The following MRPS9 variants were observed in gnomAD, a reference collection of about 807,000 sequenced individuals.
The protein encoded by MRPS9 is small ribosomal subunit protein uS9m.
Under a neutral mutation model 59.9 loss-of-function variants are expected in MRPS9, and 45 were observed. That is an observed-to-expected ratio of 0.75 (90% CI 0.59 to 0.96). The LOEUF (loss-of-function observed/expected upper bound fraction) is 0.96, where lower values mean the gene tolerates loss of function less well. MRPS9 is among the 40% of genes least tolerant of loss of function. MRPS9 has a pLI of 0.00. For synonymous variants in MRPS9, 171 were observed against 166.8 expected (o/e 1.03, Z -0.19); for missense variants, 473 against 481.1 (o/e 0.98, Z 0.16).
Position 105,046,647 on chromosome 2 carries a change from A to C in MRPS9, c.136-2524A>C, listed in dbSNP as rs112611780. 3.5e-3 allele frequency among the ~76,000 whole-genome samples: 527 copies of C among 151,164 alleles called. 10 individuals carry two copies. Among genetic ancestry groups the C allele is most frequent in the Admixed American group, 7.1e-3 (107 of 15,142 alleles). On this transcript the variant is annotated intron_variant, in intron 1 of 10. Coordinates refer to ENST00000258455, the MANE Select transcript of MRPS9 (RefSeq NM_182640.3). ...CCTCTGGAATCCCTTCAGTGAAAGG[A>C]GCCATACGCTCCAGGAGGCACATTT... is the stretch of plus-strand genomic sequence containing the variant.
intron 4 of MRPS9, among the ~76,000 whole-genome samples, chr2:105,075,557 C>T (rs1680192537): frequency 6.6e-6 from 1 of 152,178 alleles, no homozygotes; most frequent in Non-Finnish European, 1.5e-5. Context: ...AGAATGAAAG[C>T]TTCTAAATTC....
chr2:105,069,477 T>A (rs1230668927), intron 2 of MRPS9, among the ~76,000 whole-genome samples: 3 of 152,158 alleles, frequency 2.0e-5, no homozygotes, highest in Non-Finnish European at 4.4e-5. Context: ...CCTCTCAAAG[T>A]GCTGGGATGA....
intron 2 of MRPS9, among the ~76,000 whole-genome samples, chr2:105,061,778 T>G (rs1679910297): frequency 6.6e-6 from 1 of 152,084 alleles, no homozygotes; most frequent in Admixed American, 6.5e-5. Flanking sequence ...TTCGTATGGG[T>G]GCTTAGAGAG....
At position 105,049,315 on chromosome 2, in the gene MRPS9, G is replaced by A. The variant is rs1331784174; in HGVS notation, c.280G>A (p.Glu94Lys). The A allele has an allele frequency of 1.2e-6, 2 of 1,611,370 alleles. No homozygotes were observed. The highest frequency in any genetic ancestry group is 1.7e-6 in the Non-Finnish European group (2 of 1,179,312). ...GAGACATTTAGCCAACATGATGGGA[G>A]AAGATCCAGAAACTTTCACTCAAGA... ...GKRHLANMMGEDPETFTQEDI... is the reference protein window; with the variant it reads ...GKRHLANMMGKDPETFTQEDI... The change falls in exon 2 of 11, where the codon GAA becomes AAA. Residue 94 changes from glutamate (E) to lysine (K), a missense_variant. Coordinates refer to ENST00000258455, the MANE Select transcript of MRPS9 (RefSeq NM_182640.3).
chr2:105,059,453 GA>G (rs1212953517), intron 2 of MRPS9, among the ~76,000 whole-genome samples: 5 of 152,116 alleles, frequency 3.3e-5, no homozygotes, highest in Non-Finnish European at 5.9e-5. Context: ...AAGGTATCTT[GA>G]AACACTAATG....
At chr2:105,052,385 T>C (rs1370767688) in intron 2 of MRPS9, among the ~76,000 whole-genome samples, 1 of 152,212 alleles carries the variant, frequency 6.6e-6, no homozygotes, top group East Asian at 1.9e-4. Flanking sequence ...TCCATTTTGA[T>C]GATGATTTGG....
chr2:105,087,250 C>T (rs1680466285), intron 5 of MRPS9, among the ~76,000 whole-genome samples: 4 of 152,130 alleles, frequency 2.6e-5, no homozygotes, highest in Admixed American at 2.6e-4. Context: ...ATACATTCCT[C>T]TGCTGCTGCA....
At chr2:105,076,682 G>A (rs1558758730) in intron 4 of MRPS9, among the ~76,000 whole-genome samples, 1 of 152,140 alleles carries the variant, frequency 6.6e-6, no homozygotes, top group Non-Finnish European at 1.5e-5. Context: ...TATACATACA[G>A]CTTTCAATAC....
At chr2:105,055,939 A>C (rs1441696951) in intron 2 of MRPS9, among the ~76,000 whole-genome samples, 1 of 152,214 alleles carries the variant, frequency 6.6e-6, no homozygotes, top group African/African-American at 2.4e-5. Context: ...TGGTTTTAAA[A>C]TGTTTGGCTT....
chr2:105,098,158 T>A (rs928482091), intron 10 of MRPS9: 1 of 152,148 alleles, frequency 6.6e-6, no homozygotes, highest in Non-Finnish European at 1.5e-5. Flanking sequence ...AATACAAGAG[T>A]CCCTGTGTAA....
intron 1 of MRPS9, among the ~76,000 whole-genome samples, chr2:105,041,096 A>G (rs889582013): frequency 2.0e-5 from 3 of 152,196 alleles, no homozygotes; most frequent in East Asian, 1.9e-4. Context: ...CTGTTTTGCT[A>G]TGCTAAGGTA....
At chr2:105,087,413 G>A (rs1363447758) in intron 5 of MRPS9, among the ~76,000 whole-genome samples, 1 of 152,070 alleles carries the variant, frequency 6.6e-6, no homozygotes, top group African/African-American at 2.4e-5. Flanking sequence ...GTCTAGGCTT[G>A]GATGCTGCTG....
intron 9 of MRPS9, among the ~76,000 whole-genome samples, chr2:105,095,874 T>C (rs1211329365): frequency 6.6e-6 from 1 of 152,006 alleles, no homozygotes; most frequent in Non-Finnish European, 1.5e-5. Flanking sequence ...CTCAAACTTC[T>C]GGACCCAGAC....
At chr2:105,092,798 CTT>C (rs1680588533) in intron 8 of MRPS9, among the ~76,000 whole-genome samples, 1 of 152,112 alleles carries the variant, frequency 6.6e-6, no homozygotes, top group Admixed American at 6.5e-5. Flanking sequence ...CATATTAACA[CTT>C]TTTCTTTTCA....
intron 7 of MRPS9, among the ~76,000 whole-genome samples, chr2:105,091,638 G>A (rs961015330): frequency 2.0e-5 from 3 of 152,038 alleles, no homozygotes; most frequent in Non-Finnish European, 4.4e-5. Flanking sequence ...CATAAATAAG[G>A]TTATAAAAAA....
intron 2 of MRPS9, among the ~76,000 whole-genome samples, chr2:105,070,058 G>A (rs1171497488): frequency 1.3e-5 from 2 of 152,116 alleles, no homozygotes; most frequent in African/African-American, 4.8e-5. Flanking sequence ...AAGGAAGGGG[G>A]TAGGTGGGGA....
At chr2:105,068,386 A>C (rs1680042775) in intron 2 of MRPS9, among the ~76,000 whole-genome samples, 1 of 152,202 alleles carries the variant, frequency 6.6e-6, no homozygotes, top group South Asian at 2.1e-4. Flanking sequence ...AATATTTCAG[A>C]ATTATAGTAT....
intron 5 of MRPS9, among the ~76,000 whole-genome samples, chr2:105,086,248 G>A (rs980627249): frequency 6.6e-6 from 1 of 152,110 alleles, no homozygotes; most frequent in Admixed American, 6.5e-5. Context: ...GATTTGATGG[G>A]TTACAATCAT....
chr2:105,073,610 G>T (rs1479604614), intron 4 of MRPS9, among the ~76,000 whole-genome samples: 1 of 152,132 alleles, frequency 6.6e-6, no homozygotes, highest in African/African-American at 2.4e-5. Context: ...CTTCTAGATT[G>T]AGTTAACATG....
Sources: gnomAD v4.1 joint callset for allele counts (sites outside exome capture counted in the v4.1 genomes callset) on GRCh38, gnomAD v4.1.1 for gene constraint, MANE v1.5 for transcripts, NCBI Gene and HGNC (gene_info 2026-07-23, HGNC 2026-07-21) for gene names.